ABR: variants seen among roughly 807,000 people sequenced by gnomAD.
ABR encodes the protein ABR activator of RhoGEF and GTPase, also known as active breakpoint cluster region-related protein.
A neutral mutation model predicts 107.2 loss-of-function variants in ABR; 35 were observed. The ratio of observed to expected loss-of-function variants is 0.33; its 90% CI spans 0.25 to 0.43. The LOEUF is 0.43. ABR is among the 20% of genes least tolerant of loss of function. The pLI, the probability that ABR is intolerant of heterozygous loss-of-function variation, is 1.00. For synonymous variants in ABR, 498 were observed against 462.0 expected (o/e 1.08, Z -1.00); for missense variants, 815 against 1,115.2 (o/e 0.73, Z 3.83).
intron 2 of ABR, chr17:1,115,469 G>A (rs890855128): frequency 3.9e-5 from 6 of 152,248 alleles, no homozygotes; most frequent in Non-Finnish European, 8.8e-5. Flanking sequence ...TCAGCCAATG[G>A]GAACTGACAC....
Position 1,050,679 on chromosome 17 carries a change from G to C in ABR, c.1562-45C>G. 1 of 1,540,804 alleles carries C rather than the reference G, an allele frequency of 6.5e-7. No individual in the cohort carries two copies. The highest frequency in any genetic ancestry group is 9.0e-7 in the Non-Finnish European group (1 of 1,114,606). ...GGAGATACTGAGTGAGTGGGGCCAG[G>C]GTGGGGCAGCTGGGGCGGCACTCAG... On this transcript the variant is annotated intron_variant, in intron 14 of 22. Transcript: ENST00000302538. The surrounding 1 kb of genome is among the most constrained non-coding windows in gnomAD (Gnocchi z 4.6).
chr17:1,143,073 G>A lies in ABR; in HGVS notation c.62-17706C>T, dbSNP rs185491628. On this transcript the variant is annotated intron_variant, in intron 1 of 22. Transcript: ENST00000302538. Reference sequence around the variant, plus strand: ...GCAGCTCGCTCCTGGGGGGCAGCTCGCTCCTGGGGGACAGCTCATTCCTGG... The same window carrying A: ...GCAGCTCGCTCCTGGGGGGCAGCTCACTCCTGGGGGACAGCTCATTCCTGG... 4.6e-3 allele frequency among the ~76,000 whole-genome samples: 265 copies of A among 57,214 alleles called. 1 individual carries two copies. Among genetic ancestry groups the A allele is most frequent in the Non-Finnish European group, 6.5e-3 (192 of 29,578 alleles). The allele number at this position is 57,214 out of a possible 152,430, so 37.5% of individuals were successfully genotyped here.
chr17:1,194,505 T>A lies in ABR; in HGVS notation c.838+34288A>T, dbSNP rs1263176997. Among the ~76,000 whole-genome samples, 25 of 131,182 alleles carry A rather than the reference T, an allele frequency of 1.9e-4. 3 individuals are homozygous for A. The highest frequency in any genetic ancestry group is 4.0e-4 in the Non-Finnish European group (24 of 60,558). The allele number at this position is 131,182 out of a possible 152,430, so 86.1% of individuals were successfully genotyped here. ...AGACACTTCGCCCAGCCTTCTTTATTTTTTAGAGACAAGTCTCACTCTATC... is the reference window on the plus strand; with the variant it reads ...AGACACTTCGCCCAGCCTTCTTTATATTTTAGAGACAAGTCTCACTCTATC... On this transcript the variant is annotated intron_variant, in intron 1 of 22. Transcript: ENST00000574139.
intron 1 of ABR, 145 bp from the exon 2 acceptor site, chr17:1,125,512 G>T: frequency 1.4e-6 from 1 of 693,916 alleles, no homozygotes; most frequent in Non-Finnish European, 2.1e-6. Flanking sequence ...GGCTGTGCGG[G>T]GGCCTGGGCC....
chr17:1,108,855 G>C (rs2038447012), intron 2 of ABR: 5 of 1,435,090 alleles, frequency 3.5e-6, no homozygotes, highest in South Asian at 1.4e-5. Context: ...CTCTGCGCCC[G>C]CATCAGCCAT....
chr17:1,146,895 AC>A (rs1300858789), intron 1 of ABR, among the ~76,000 whole-genome samples: 6 of 104,412 alleles, frequency 5.7e-5, no homozygotes, highest in Non-Finnish European at 1.2e-4. Flanking sequence ...CACTGCCGCC[AC>A]TGCCACCACT....
rs1045967938 is a variant in ABR, at chr17:1,200,148, TA to T, written c.838+28644del. Among the ~76,000 whole-genome samples the T allele has an allele frequency of 3.3e-5, 5 of 149,308 alleles. No individual in the cohort carries two copies. Among genetic ancestry groups the T allele is most frequent in the East Asian group, 2.0e-4 (1 of 5,088 alleles). ...CAAAAATATTTGGGAGGAAAACAAT[TA>T]AAAAAAAACACCACAAAAATAAAAA... On this transcript the variant is annotated intron_variant, in intron 1 of 22. Transcript: ENST00000574139. This position sits in a 1 kb window ranked among gnomAD's most constrained non-coding sequence, Gnocchi z 4.1.
chr17:1,070,968 G>T lies in ABR; in HGVS notation c.895-878C>A, dbSNP rs959496031. Among the ~76,000 whole-genome samples, 1 of 152,162 alleles carries T rather than the reference G, an allele frequency of 6.6e-6. No homozygotes were observed. Among genetic ancestry groups the T allele is most frequent in the Non-Finnish European group, 1.5e-5 (1 of 68,030 alleles). ...ACCTGAGGTCAGGAGTTTGAGACCA[G>T]CCTGGCCAACGTGGCGAAACCCCGT... On this transcript the variant is annotated intron_variant, in intron 8 of 22. Coordinates refer to ENST00000302538, the MANE Select transcript of ABR (RefSeq NM_021962.5). This position sits in a 1 kb window ranked among gnomAD's most constrained non-coding sequence, Gnocchi z 4.2.
At chr17:1,175,313 G>A (rs1416920192) in intron 1 of ABR, among the ~76,000 whole-genome samples, 1 of 152,194 alleles carries the variant, frequency 6.6e-6, no homozygotes, top group Non-Finnish European at 1.5e-5. Context: ...TCAGGAGGCT[G>A]AGGCAGGAGA....
intron 16 of ABR, among the ~76,000 whole-genome samples, chr17:1,013,397 G>A (rs1014508022): frequency 6.6e-6 from 1 of 151,600 alleles, no homozygotes; most frequent in Non-Finnish European, 1.5e-5. Flanking sequence ...CGTGGGGGAG[G>A]CAGGGCACAC....
At chr17:1,178,700 G>T (rs1346451438) in intron 1 of ABR, among the ~76,000 whole-genome samples, 1 of 152,136 alleles carries the variant, frequency 6.6e-6, no homozygotes, top group Non-Finnish European at 1.5e-5. Context: ...GAGTGGGAGG[G>T]TCCCACTCAC....
In ABR at chr17:1,070,162, G is replaced by T; in HGVS notation, c.895-72C>A. On this transcript the variant is annotated intron_variant, in intron 8 of 22. Transcript: ENST00000302538. This position sits in a 1 kb window ranked among gnomAD's most constrained non-coding sequence, Gnocchi z 4.2. ...CCGAGGGCAGAGCCTGCACACGGGG[G>T]CACGGCCAGCCAGGGAGGACTGGAC... 1 of 1,587,686 alleles carries T rather than the reference G, an allele frequency of 6.3e-7. No homozygotes were observed. The highest frequency in any genetic ancestry group is 8.6e-7 in the Non-Finnish European group (1 of 1,164,744).
intron 1 of ABR, among the ~76,000 whole-genome samples, chr17:1,143,603 A>G (rs1383047456): frequency 6.6e-6 from 1 of 151,982 alleles, no homozygotes; most frequent in Non-Finnish European, 1.5e-5. Context: ...CACTGCTGGG[A>G]ACAGACTCGA....
At chr17:1,135,338 A>AATATTTC (rs2040010615) in intron 1 of ABR, among the ~76,000 whole-genome samples, 2 of 151,430 alleles carry the variant, frequency 1.3e-5, no homozygotes, top group African/African-American at 4.9e-5. Flanking sequence ...ATCATTGCTG[A>AATATTTC]ATATTGCTAA....
chr17:1,082,828 C>T (rs1175861383), intron 5 of ABR, among the ~76,000 whole-genome samples: 2 of 152,086 alleles, frequency 1.3e-5, no homozygotes, highest in Admixed American at 1.3e-4. Context: ...TCTTATCAAG[C>T]AAGGTCAGGA....
Position 1,013,667 on chromosome 17 carries a change from A to G in ABR, c.1792-503T>C, listed in dbSNP as rs139165384. ...CGCACAGGAGGCTGCCTGGGTTTGA[A>G]TCCTGGCAAGTTTTAAACTCACTAA... is the stretch of plus-strand genomic sequence containing the variant. On this transcript the variant is annotated intron_variant, in intron 16 of 22. Transcript: ENST00000302538. Among the ~76,000 whole-genome samples, 393 of 152,338 alleles carry G rather than the reference A, an allele frequency of 2.6e-3. 11 individuals carry two copies. The highest frequency in any genetic ancestry group is 0.014 in the Middle Eastern group (4 of 294).
At chr17:1,203,278 G>C (rs1292499544) in intron 1 of ABR, among the ~76,000 whole-genome samples, 1 of 151,742 alleles carries the variant, frequency 6.6e-6, no homozygotes, top group East Asian at 1.9e-4. Context: ...CCAGGCTCCC[G>C]CGCAGTCCTC....
chr17:1,031,877 CCCCTCCCT>C (rs1165216714), intron 16 of ABR: 2 of 1,149,300 alleles, frequency 1.7e-6, no homozygotes, highest in Non-Finnish European at 2.2e-6. Flanking sequence ...TCCCCGCGCT[CCCCTCCCT>C]CCCTCCCTCC....
chr17:1,101,478 C>A (rs1292544304), intron 2 of ABR, among the ~76,000 whole-genome samples: 3 of 152,212 alleles, frequency 2.0e-5, no homozygotes, highest in African/African-American at 7.2e-5. Flanking sequence ...CTCTTCCTCT[C>A]CTCCTGCCTG....
Sources: allele counts gnomAD v4.1 joint callset (sites outside exome capture counted in the v4.1 genomes callset), GRCh38; gene constraint gnomAD v4.1.1; non-coding constraint Gnocchi (gnomAD v3.1); transcripts MANE v1.5; gene names NCBI Gene and HGNC (gene_info 2026-07-23, HGNC 2026-07-21).